Variants in TENM1 observed in about 807,000 individuals in gnomAD.
TENM1 encodes the protein teneurin transmembrane protein 1, also known as teneurin-1.
In TENM1, 35 loss-of-function variants were observed where a neutral mutation model predicts 174.8. The observed-to-expected ratio is 0.20, with a 90% confidence interval of 0.15 to 0.27. TENM1 has a LOEUF of 0.27. TENM1 is among the 10% of genes least tolerant of loss of function. The pLI, the probability that TENM1 is intolerant of heterozygous loss-of-function variation, is 1.00. For missense variants in TENM1, 1,633 were observed against 2,130.1 expected, an observed-to-expected ratio of 0.77 and a Z score of 4.59; for synonymous variants, 781 against 798.7, an observed-to-expected ratio of 0.98 and a Z score of 0.37.
intron 25 of TENM1, chrX:124,411,983 C>T (rs1246377182): frequency 2.7e-5 from 3 of 112,457 alleles, no homozygotes; most frequent in Non-Finnish European, 3.8e-5. Context: ...AACCCACCCT[C>T]TTTGCATGCA....
chrX:124,764,805 T>C (rs765363178), intron 3 of TENM1, among the ~76,000 whole-genome samples: 1 of 110,369 alleles, frequency 9.1e-6, no homozygotes, highest in South Asian at 3.9e-4. Flanking sequence ...TAAAAAGGTA[T>C]GATTTTGGCC....
chrX:124,797,981 A>G lies in TENM1; in HGVS notation c.536-60784T>C, dbSNP rs778107753. 1.0e-3 allele frequency among the ~76,000 whole-genome samples: 112 copies of G among 111,057 alleles called. 1 individual carries two copies. Among genetic ancestry groups the G allele is most frequent in the Admixed American group, 3.6e-3 (38 of 10,435 alleles). On this transcript the variant is annotated intron_variant, in intron 3 of 31. Transcript: ENST00000422452. ...CTGTTCCTGTGTTAGTTTGCTGAGG[A>G]TGATGGCTTCCAGTTTCATCCATGT...
At chrX:125,024,629 C>T in the TENM1 span, among the ~76,000 whole-genome samples, 1 of 111,076 alleles carries the variant, frequency 9.0e-6, no homozygotes, top group African/African-American at 3.3e-5. Flanking sequence ...GATAAGGCAT[C>T]AAATACTACC....
intron 11 of TENM1, among the ~76,000 whole-genome samples, chrX:124,581,880 T>A (rs12840579): frequency 8.0e-4 from 90 of 111,838 alleles, no homozygotes; most frequent in East Asian, 8.4e-4. Flanking sequence ...CCCTTTTTTT[T>A]AAAAAGCATT....
At chrX:125,158,943 A>G in the TENM1 span, among the ~76,000 whole-genome samples, 1 of 111,818 alleles carries the variant, frequency 8.9e-6, no homozygotes, top group Non-Finnish European at 1.9e-5. Flanking sequence ...TGATAACAAA[A>G]AAAAAAACAA....
chrX:124,380,906 A>T, exon 32 of TENM1: 2 of 1,211,803 alleles, frequency 1.7e-6, no homozygotes, highest in Non-Finnish European at 2.2e-6. Flanking sequence ...GGACACAGTG[A>T]CATTGACACC....
chrX:124,862,949 T>C (rs2056940380), intron 3 of TENM1, among the ~76,000 whole-genome samples: 1 of 107,979 alleles, frequency 9.3e-6, no homozygotes, highest in Non-Finnish European at 1.9e-5. Context: ...CAAGGCAGGA[T>C]AGGGCTCTGG....
chrX:124,761,609 G>A (rs919969560), intron 3 of TENM1, among the ~76,000 whole-genome samples: 46 of 108,647 alleles, frequency 4.2e-4, no homozygotes, highest in Non-Finnish European at 4.6e-4. Context: ...GAGTTAATGC[G>A]TGCAGCAAAC....
chrX:125,168,948 T>C, the TENM1 span, among the ~76,000 whole-genome samples: 1 of 110,305 alleles, frequency 9.1e-6, no homozygotes, highest in Admixed American at 9.7e-5. Context: ...TTTGTGATGG[T>C]TTGTTACACA....
chrX:124,575,923 G>A (rs775212816), intron 11 of TENM1, among the ~76,000 whole-genome samples: 271 of 112,007 alleles, frequency 2.4e-3, no homozygotes, highest in African/African-American at 8.3e-3. Flanking sequence ...TCAATCCTTT[G>A]ATTATAAACC....
chrX:125,180,352 A>C, the TENM1 span, among the ~76,000 whole-genome samples: 1 of 98,806 alleles, frequency 1.0e-5, no homozygotes, highest in Admixed American at 1.1e-4. Flanking sequence ...TACAAGCGTG[A>C]GCCACCGTGC....
chrX:125,151,307 C>T, the TENM1 span, among the ~76,000 whole-genome samples: 2 of 111,861 alleles, frequency 1.8e-5, no homozygotes, highest in Non-Finnish European at 3.8e-5. Context: ...GGTATTTATC[C>T]AAAATAGTTT....
At chrX:124,658,202 C>A (rs2051497546) in intron 6 of TENM1, among the ~76,000 whole-genome samples, 1 of 111,379 alleles carries the variant, frequency 9.0e-6, no homozygotes. Flanking sequence ...ATGTAATTTT[C>A]CTTACGTGAA....
intron 1 of TENM1, among the ~76,000 whole-genome samples, chrX:124,938,005 A>C (rs1420001629): frequency 8.9e-6 from 1 of 112,016 alleles, no homozygotes; most frequent in Non-Finnish European, 1.9e-5. Context: ...ACTGAAATTT[A>C]GCCAAAATAT....
At chrX:125,119,236 G>T in the TENM1 span, among the ~76,000 whole-genome samples, 1 of 111,577 alleles carries the variant, frequency 9.0e-6, no homozygotes, top group Non-Finnish European at 1.9e-5. Context: ...CACAACACTT[G>T]CACATATTTA....
intron 3 of TENM1, among the ~76,000 whole-genome samples, chrX:124,752,209 T>A (rs1214714926): frequency 9.0e-6 from 1 of 111,213 alleles, no homozygotes; most frequent in Non-Finnish European, 1.9e-5. Context: ...TGGTATCTCA[T>A]TGTGGTTTTG....
intron 18 of TENM1, among the ~76,000 whole-genome samples, chrX:124,519,842 G>A (rs73550484): frequency 2.7e-5 from 3 of 110,716 alleles, no homozygotes; most frequent in Non-Finnish European, 5.7e-5. Context: ...GAATAGTATA[G>A]TATAGTGAGT....
In TENM1 at chrX:124,640,821, C is replaced by T. The variant is rs183180307; in HGVS notation, c.2077+970G>A. Among the ~76,000 whole-genome samples the T allele has an allele frequency of 2.6e-4, 29 of 109,933 alleles. 1 individual carries two copies. The East Asian group carries it at 8.0e-3, about 30-fold the overall frequency. On this transcript the variant is annotated intron_variant, in intron 11 of 31. Coordinates refer to ENST00000422452, the Ensembl canonical transcript of TENM1. Reference sequence around the variant, plus strand: ...TAAAAATACAAAAAAATTAGCCGGTCGTGGTGTCACGCGCCTGTAGTCCCA... The same window carrying T: ...TAAAAATACAAAAAAATTAGCCGGTTGTGGTGTCACGCGCCTGTAGTCCCA...
the TENM1 span, among the ~76,000 whole-genome samples, chrX:125,024,384 AC>A: frequency 1.9e-5 from 2 of 105,060 alleles, no homozygotes; most frequent in African/African-American, 7.6e-5. Flanking sequence ...ACACACACAC[AC>A]CACACACACA....
Sources: gnomAD v4.1 joint callset for allele counts (sites outside exome capture counted in the v4.1 genomes callset) on GRCh38, gnomAD v4.1.1 for gene constraint, MANE v1.5 for transcripts, NCBI Gene and HGNC (gene_info 2026-07-23, HGNC 2026-07-21) for gene names.